The following IL15 variants were observed in gnomAD, a reference collection of about 807,000 sequenced individuals.
IL15 encodes interleukin-15.
A neutral mutation model predicts 19.6 loss-of-function variants in IL15; 11 were observed. That is an observed-to-expected ratio of 0.56 (90% confidence interval 0.35 to 0.93). IL15 has a LOEUF of 0.93. Among genes scored for constraint, IL15 ranks in the 40% least tolerant of loss-of-function variants. The pLI is 0.01. For missense variants in IL15, 197 were observed against 186.5 expected, an observed-to-expected ratio of 1.06 and a Z score of -0.33; for synonymous variants, 58 against 59.6, an observed-to-expected ratio of 0.97 and a Z score of 0.12.
chr4:141,690,583 G>A (rs1242366119), intron 2 of IL15, among the ~76,000 whole-genome samples: 1 of 152,084 alleles, frequency 6.6e-6, no homozygotes, highest in East Asian at 1.9e-4. Context: ...CTACTTTCTC[G>A]ATTTAGGTTC....
At chr4:141,657,727 G>T (rs1727656550) in intron 2 of IL15, among the ~76,000 whole-genome samples, 1 of 152,052 alleles carries the variant, frequency 6.6e-6, no homozygotes, top group South Asian at 2.1e-4. Flanking sequence ...GTCTCCAGGG[G>T]CAGTAACACA....
At chr4:141,705,559 A>T (rs955287932) in intron 2 of IL15, among the ~76,000 whole-genome samples, 6 of 151,958 alleles carry the variant, frequency 3.9e-5, no homozygotes, top group African/African-American at 1.4e-4. Flanking sequence ...ACTCTGTCGG[A>T]TGCAGTGTTC....
At position 141,656,260 on chromosome 4, in the gene IL15, G is replaced by A; in HGVS notation, c.-147G>A. On this transcript the variant is annotated 5_prime_UTR_variant, in exon 2 of 8. The change abolishes an upstream ATG in the 5' untranslated region. Coordinates refer to ENST00000320650, the MANE Select transcript of IL15 (RefSeq NM_000585.5). The stretch of plus-strand genomic sequence containing the variant: ...ATGTTCCATGCTGCTGACGTCACAT[G>A]GAGCACAGAAATCAATGTTAGCAGA... The A allele has an allele frequency of 2.5e-6, 1 of 398,302 alleles. No homozygotes were observed. 24.7% of individuals were successfully genotyped at this position (398,302 alleles called of 1,614,324 possible).
At chr4:141,654,028 A>G (rs931808915) in intron 1 of IL15, among the ~76,000 whole-genome samples, 1 of 152,234 alleles carries the variant, frequency 6.6e-6, no homozygotes, top group African/African-American at 2.4e-5. Flanking sequence ...AAGGAATGGA[A>G]TACACTATTG....
At chr4:141,701,465 T>C (rs1729310442) in intron 2 of IL15, among the ~76,000 whole-genome samples, 1 of 152,180 alleles carries the variant, frequency 6.6e-6, no homozygotes, top group South Asian at 2.1e-4. Flanking sequence ...ACTTGTTGTG[T>C]GGGCAAGTTC....
intron 1 of IL15, among the ~76,000 whole-genome samples, chr4:141,642,526 G>T (rs1727085252): frequency 6.6e-6 from 1 of 152,182 alleles, no homozygotes; most frequent in South Asian, 2.1e-4. Context: ...GTAGGATGGG[G>T]AGCAGTAAAG....
chr4:141,669,479 G>A (rs1322622868), intron 2 of IL15, among the ~76,000 whole-genome samples: 2 of 152,186 alleles, frequency 1.3e-5, no homozygotes. Context: ...GGTGATAAAA[G>A]AAAACAGAGG....
intron 2 of IL15, among the ~76,000 whole-genome samples, chr4:141,680,386 T>C (rs1387749851): frequency 6.6e-6 from 1 of 152,240 alleles, no homozygotes; most frequent in Admixed American, 6.5e-5. Context: ...GAATGAATAT[T>C]GTATCACTGT....
Position 141,693,016 on chromosome 4 carries a change from C to CAAAAAAAA in IL15, c.-99-26331_-99-26324dup, listed in dbSNP as rs70949131. On this transcript the variant is annotated intron_variant, in intron 2 of 7. Transcript: ENST00000320650. ...AGGGGAACAGAGCAAGACTCCGTCT[C>CAAAAAAAA]AAAAAAAAAAAAAAAAAAAAAAAAA... Among the ~76,000 whole-genome samples the CAAAAAAAA allele has an allele frequency of 4.4e-3, 103 of 23,232 alleles. 21 individuals are homozygous for CAAAAAAAA. Among genetic ancestry groups the CAAAAAAAA allele is most frequent in the East Asian group, 0.033 (23 of 688 alleles). The allele number at this position is 23,232 out of a possible 152,430, so 15.2% of individuals were successfully genotyped here.
chr4:141,643,166 G>A (rs1403901464), intron 1 of IL15, among the ~76,000 whole-genome samples: 3 of 152,102 alleles, frequency 2.0e-5, no homozygotes, highest in Non-Finnish European at 4.4e-5. Flanking sequence ...CTCATTATCT[G>A]CTCAAGGACA....
At chr4:141,688,440 GA>G (rs930734322) in intron 2 of IL15, among the ~76,000 whole-genome samples, 3 of 152,038 alleles carry the variant, frequency 2.0e-5, no homozygotes, top group Admixed American at 6.5e-5. Flanking sequence ...TGTTCAAGTT[GA>G]AAAAAATCTT....
intron 5 of IL15, among the ~76,000 whole-genome samples, chr4:141,725,414 A>G (rs990004927): frequency 2.6e-5 from 4 of 152,208 alleles, no homozygotes; most frequent in African/African-American, 7.2e-5. Context: ...ACACAGAGAT[A>G]GAAAACCATG....
chr4:141,657,119 C>T (rs1727634809), intron 2 of IL15, among the ~76,000 whole-genome samples: 1 of 152,090 alleles, frequency 6.6e-6, no homozygotes, highest in Admixed American at 6.5e-5. Flanking sequence ...CAAACCTGTA[C>T]AGCATGTTAC....
chr4:141,668,682 T>C (rs1484562197), intron 2 of IL15, among the ~76,000 whole-genome samples: 1 of 152,204 alleles, frequency 6.6e-6, no homozygotes, highest in Non-Finnish European at 1.5e-5. Flanking sequence ...TCCCACCCAC[T>C]AGCTGATATG....
chr4:141,683,075 C>A lies in IL15; in HGVS notation c.-100+26768C>A, dbSNP rs574366858. ...CACGAGGTCAAGTGATCAAGACCAT[C>A]CTAGCCAACATGGTGAAACCCCGTT... On this transcript the variant is annotated intron_variant, in intron 2 of 7. Coordinates refer to ENST00000320650, the MANE Select transcript of IL15 (RefSeq NM_000585.5). Among the ~76,000 whole-genome samples the A allele has an allele frequency of 2.2e-4, 34 of 151,262 alleles. No individual in the cohort carries two copies. In the South Asian group the frequency reaches 7.1e-3, roughly 32 times the overall value.
intron 2 of IL15, among the ~76,000 whole-genome samples, chr4:141,683,389 G>A (rs958268374): frequency 6.6e-6 from 1 of 151,884 alleles, no homozygotes; most frequent in Non-Finnish European, 1.5e-5. Context: ...TGCGCAACAC[G>A]GTGAAACCCT....
intron 2 of IL15, among the ~76,000 whole-genome samples, chr4:141,682,611 C>A (rs200996049): frequency 6.6e-6 from 1 of 152,104 alleles, no homozygotes; most frequent in African/African-American, 2.4e-5. Flanking sequence ...AACACATGTA[C>A]ATACATGTGT....
At chr4:141,720,588 A>ATGTTATTT in intron 4 of IL15, 22 bp downstream of exon 4, 1 of 1,140,978 alleles carries the variant, frequency 8.8e-7, no homozygotes, top group Non-Finnish European at 1.3e-6. Flanking sequence ...TTTAGGCATA[A>ATGTTATTT]ATAACATTAT....
In IL15 at chr4:141,644,175, A is replaced by G. The variant is rs151094620; in HGVS notation, c.-222+7427A>G. On this transcript the variant is annotated intron_variant, in intron 1 of 7. Coordinates refer to ENST00000320650, the MANE Select transcript of IL15 (RefSeq NM_000585.5). The stretch of plus-strand genomic sequence containing the variant: ...TATCATGTCTCACAGTATTATTGCA[A>G]AAGTGCCTGCTGCTTGTCCCCTTAT... 9.8e-4 allele frequency among the ~76,000 whole-genome samples: 149 copies of G among 151,910 alleles called. 1 individual carries two copies. The highest frequency in any genetic ancestry group is 3.2e-3 in the African/African-American group (134 of 41,432).
Sources: allele counts gnomAD v4.1 joint callset (sites outside exome capture counted in the v4.1 genomes callset), GRCh38; gene constraint gnomAD v4.1.1; transcripts MANE v1.5; gene names NCBI Gene and HGNC (gene_info 2026-07-23, HGNC 2026-07-21).